Variants in SFMBT2 observed in about 807,000 individuals in gnomAD.
SFMBT2 encodes the protein Scm like with four mbt domains 2.
SFMBT2 carries 38 observed loss-of-function variants against 110.1 expected under a neutral mutation model. The ratio of observed to expected loss-of-function variants is 0.35; its 90% CI spans 0.27 to 0.45. The LOEUF is 0.45. Among genes scored for constraint, SFMBT2 ranks in the 20% least tolerant of loss-of-function variants. The pLI is 1.00. For synonymous variants in SFMBT2, 425 were observed against 425.4 expected (o/e 1.00, Z 0.01); for missense variants, 1,011 against 1,094.9 (o/e 0.92, Z 1.08).
At chr10:7,204,874 T>C in intron 12 of SFMBT2, 4 of 695,886 alleles carry the variant, frequency 5.7e-6, no homozygotes, top group Non-Finnish European at 7.0e-6. Flanking sequence ...ACTCCATCTT[T>C]AAAAAAAAAA....
chr10:7,321,109 G>A (rs546507381), intron 4 of SFMBT2, among the ~76,000 whole-genome samples: 3 of 151,950 alleles, frequency 2.0e-5, no homozygotes, highest in Admixed American at 6.5e-5. Flanking sequence ...AAGGGAAGAG[G>A]AGGAAGGCTC....
At chr10:7,404,582 C>T (rs1846163447) in intron 1 of SFMBT2, among the ~76,000 whole-genome samples, 1 of 152,150 alleles carries the variant, frequency 6.6e-6, no homozygotes, top group Non-Finnish European at 1.5e-5. Context: ...GCTTAGGAAG[C>T]CCTGGATCTA....
At chr10:7,237,811 T>C (rs867756850) in intron 9 of SFMBT2, among the ~76,000 whole-genome samples, 14 of 152,198 alleles carry the variant, frequency 9.2e-5, no homozygotes, top group Non-Finnish European at 1.2e-4. Context: ...TGTGATATAC[T>C]GCAGGGAAGG....
At chr10:7,222,057 T>C (rs1350110141) in intron 10 of SFMBT2, among the ~76,000 whole-genome samples, 1 of 152,258 alleles carries the variant, frequency 6.6e-6, no homozygotes, top group Non-Finnish European at 1.5e-5. Flanking sequence ...AACTTTAGGA[T>C]CAGAATCCCC....
At chr10:7,378,197 G>C (rs1359169153) in intron 2 of SFMBT2, among the ~76,000 whole-genome samples, 1 of 29,768 alleles carries the variant, frequency 3.4e-5, no homozygotes, top group Non-Finnish European at 5.8e-5. Flanking sequence ...GGTGTGTGTG[G>C]GTGTATGTGT....
intron 10 of SFMBT2, among the ~76,000 whole-genome samples, chr10:7,226,112 G>A (rs949493462): frequency 7.2e-5 from 11 of 152,270 alleles, no homozygotes; most frequent in Admixed American, 2.0e-4. Flanking sequence ...GCAATCCTGC[G>A]GAGAGCCCGG....
intron 4 of SFMBT2, among the ~76,000 whole-genome samples, chr10:7,355,685 C>T (rs921544438): frequency 7.9e-5 from 12 of 152,074 alleles, no homozygotes; most frequent in South Asian, 2.1e-4. Flanking sequence ...TGGTGGCGGG[C>T]GCCTGTAATC....
intron 4 of SFMBT2, among the ~76,000 whole-genome samples, chr10:7,347,337 G>A (rs1030261642): frequency 6.6e-6 from 1 of 152,178 alleles, no homozygotes; most frequent in Non-Finnish European, 1.5e-5. Flanking sequence ...AGAAAGAGCA[G>A]TAAACTTCTA....
At chr10:7,203,072 G>A in intron 12 of SFMBT2, 1 of 985,394 alleles carries the variant, frequency 1.0e-6, no homozygotes, top group Non-Finnish European at 1.2e-6. Flanking sequence ...GTTTATATTT[G>A]TAACTGATTC....
chr10:7,194,976 C>G (rs1014059448), intron 15 of SFMBT2, among the ~76,000 whole-genome samples: 1 of 152,238 alleles, frequency 6.6e-6, no homozygotes, highest in Admixed American at 6.5e-5. Flanking sequence ...GGGAAGGTGT[C>G]ATTTCAACAA....
chr10:7,371,990 G>A lies in SFMBT2; in HGVS notation c.101-1615C>T, dbSNP rs907870188. Among the ~76,000 whole-genome samples, 8 of 144,584 alleles carry A rather than the reference G, an allele frequency of 5.5e-5. No homozygotes were observed. In the Admixed American group the frequency reaches 5.7e-4, roughly 10 times the overall value. 94.9% of individuals were successfully genotyped at this position (144,584 alleles called of 152,430 possible). ...CATCCAGGCTGGAGTGCAGTGGCGC[G>A]ATCTCAGCTCACTACAACCTCCACC... On this transcript the variant is annotated intron_variant, in intron 2 of 20. Transcript: ENST00000397167.
chr10:7,377,041 C>T (rs1419726638), intron 2 of SFMBT2, among the ~76,000 whole-genome samples: 1 of 151,306 alleles, frequency 6.6e-6, no homozygotes, highest in East Asian at 1.9e-4. Flanking sequence ...TGGTGGCGGG[C>T]ACCTGTAGTC....
chr10:7,354,702 A>G (rs1484085720), intron 4 of SFMBT2, among the ~76,000 whole-genome samples: 9 of 152,228 alleles, frequency 5.9e-5, no homozygotes, highest in Non-Finnish European at 1.3e-4. Context: ...TAGCTCACGT[A>G]GCACATGTTT....
In SFMBT2 at chr10:7,161,552, A is replaced by G. The variant is rs1444998362; in HGVS notation, c.*2218T>C. 1 of 152,210 alleles carries G rather than the reference A, an allele frequency of 6.6e-6. No individual in the cohort carries two copies. Among genetic ancestry groups the G allele is most frequent in the Non-Finnish European group, 1.5e-5 (1 of 68,070 alleles). 9.4% of individuals were successfully genotyped at this position (152,210 alleles called of 1,614,324 possible). ...GGGTGGAAAACCGCAGAGAGTTCAAAACTTGAGCTTAAAGGAGAGATGCCC... is the reference window on the plus strand; with the variant it reads ...GGGTGGAAAACCGCAGAGAGTTCAAGACTTGAGCTTAAAGGAGAGATGCCC... On this transcript the variant is annotated 3_prime_UTR_variant, in exon 21 of 21. Transcript: ENST00000397167.
At chr10:7,198,636 G>A (rs947638275) in intron 14 of SFMBT2, among the ~76,000 whole-genome samples, 12 of 152,222 alleles carry the variant, frequency 7.9e-5, no homozygotes, top group Admixed American at 5.2e-4. Context: ...CAGCTTAAGT[G>A]TGCATTACCT....
At chr10:7,372,487 G>C (rs754981796) in intron 2 of SFMBT2, among the ~76,000 whole-genome samples, 1 of 152,162 alleles carries the variant, frequency 6.6e-6, no homozygotes. Context: ...TCTAACATTC[G>C]GTCCCACCCA....
chr10:7,236,409 G>A (rs556488377), intron 9 of SFMBT2, among the ~76,000 whole-genome samples: 6 of 152,152 alleles, frequency 3.9e-5, no homozygotes, highest in Admixed American at 3.3e-4. Flanking sequence ...TTATTATAAA[G>A]TAATAACAAT....
At chr10:7,175,238 G>A (rs927775762) in intron 17 of SFMBT2, among the ~76,000 whole-genome samples, 1 of 152,252 alleles carries the variant, frequency 6.6e-6, no homozygotes, top group East Asian at 1.9e-4. Flanking sequence ...GTCAGAGGGA[G>A]AGAACAGGAC....
chr10:7,279,740 G>A (rs1299087980), intron 6 of SFMBT2, among the ~76,000 whole-genome samples: 1 of 152,102 alleles, frequency 6.6e-6, no homozygotes, highest in African/African-American at 2.4e-5. Context: ...TTTGTGCAAG[G>A]GTTTGATGGG....
Sources: gnomAD v4.1 joint callset for allele counts (sites outside exome capture counted in the v4.1 genomes callset) on GRCh38, gnomAD v4.1.1 for gene constraint, MANE v1.5 for transcripts, NCBI Gene and HGNC (gene_info 2026-07-23, HGNC 2026-07-21) for gene names.